Variants in ITK observed in about 807,000 individuals in gnomAD.
The protein encoded by ITK is tyrosine-protein kinase ITK/TSK.
Under a neutral mutation model 87.6 loss-of-function variants are expected in ITK, and 45 were observed. The ratio of observed to expected loss-of-function variants is 0.51; its 90% CI spans 0.40 to 0.66. ITK has a LOEUF of 0.66. ITK is among the 30% of genes least tolerant of loss of function. ITK has a pLI of 0.00. For missense variants in ITK, 605 were observed against 766.3 expected, an observed-to-expected ratio of 0.79 and a Z score of 2.48; for synonymous variants, 303 against 273.6, an observed-to-expected ratio of 1.11 and a Z score of -1.06.
chr5:157,223,103 T>C (rs1754457697), intron 6 of ITK, 89 bp downstream of exon 6: 2 of 1,476,918 alleles, frequency 1.4e-6, no homozygotes, highest in African/African-American at 1.4e-5. Context: ...TCTCCCACAG[T>C]GTAACCACAG....
intron 1 of ITK, among the ~76,000 whole-genome samples, chr5:157,208,023 C>G (rs1298846448): frequency 1.3e-5 from 2 of 152,018 alleles, no homozygotes; most frequent in African/African-American, 4.8e-5. Flanking sequence ...GCAACTGGTT[C>G]CATAGCTGAA....
chr5:157,243,904 A>T lies in ITK; in HGVS notation c.1232+110A>T, dbSNP rs2113774688. The T allele has an allele frequency of 3.9e-6, 4 of 1,012,892 alleles. No homozygotes were observed. In the East Asian group the frequency reaches 9.8e-5, roughly 25 times the overall value. 62.7% of individuals were successfully genotyped at this position (1,012,892 alleles called of 1,614,324 possible). A position where few individuals can be genotyped will look rare whatever the true frequency, so the allele number is the denominator to read the frequency against. On this transcript the variant is annotated intron_variant, in intron 12 of 16. Transcript: ENST00000422843. ...GTACTATCTCCCTGCGCAAACTCCC[A>T]GCAGTGGCTTCCTATTGCACAGAGA... is the stretch of plus-strand genomic sequence containing the variant.
rs199801390 is a variant in ITK, at chr5:157,244,215, T to C, written c.1233-47T>C. Reference sequence around the variant, plus strand: ...GGTACCATAATATTTTCGGCATTTTTGGGAGACTGAGTTTAGGCCATCTCA... The same window carrying C: ...GGTACCATAATATTTTCGGCATTTTCGGGAGACTGAGTTTAGGCCATCTCA... On this transcript the variant is annotated intron_variant, in intron 12 of 16. Coordinates refer to ENST00000422843, the MANE Select transcript of ITK (RefSeq NM_005546.4). 91 of 1,477,164 alleles carry C rather than the reference T, an allele frequency of 6.2e-5. No individual in the cohort carries two copies. The East Asian group carries it at 1.9e-3, about 32-fold the overall frequency. 91.5% of individuals were successfully genotyped at this position (1,477,164 alleles called of 1,614,324 possible). A position where few individuals can be genotyped will look rare whatever the true frequency, so the allele number is the denominator to read the frequency against.
chr5:157,230,837 C>A (rs1750691947), intron 7 of ITK, among the ~76,000 whole-genome samples: 1 of 152,110 alleles, frequency 6.6e-6, no homozygotes, highest in South Asian at 2.1e-4. Flanking sequence ...AGTCATTCAC[C>A]CACCTAAAGG....
chr5:157,241,569 T>A, intron 10 of ITK, 77 bp from the exon 11 acceptor site: 1 of 1,001,438 alleles, frequency 1.0e-6, no homozygotes, highest in South Asian at 1.3e-5. Context: ...TGATTATTAT[T>A]TTTTTTAGTG....
At chr5:157,209,478 T>C (rs1754145974) in intron 2 of ITK, among the ~76,000 whole-genome samples, 1 of 152,202 alleles carries the variant, frequency 6.6e-6, no homozygotes, top group South Asian at 2.1e-4. Context: ...GTTAATTCTT[T>C]CACTTATTGA....
chr5:157,246,125 G>T, intron 15 of ITK, 126 bp downstream of exon 15: 1 of 788,458 alleles, frequency 1.3e-6, no homozygotes, highest in Non-Finnish European at 2.3e-6. Context: ...TCCCACTGGA[G>T]GGTTGTGTAA....
At chr5:157,189,607 G>A (rs1753712150) in intron 1 of ITK, among the ~76,000 whole-genome samples, 1 of 152,222 alleles carries the variant, frequency 6.6e-6, no homozygotes, top group Non-Finnish European at 1.5e-5. Context: ...CTTGAACCCA[G>A]GAGGCAGAGG....
chr5:157,244,549 C>T (rs899155374), intron 13 of ITK, 71 bp downstream of exon 13: 54 of 867,018 alleles, frequency 6.2e-5, no homozygotes, highest in Middle Eastern at 2.2e-4. Flanking sequence ...TGACTGGGAA[C>T]GCATTAATAA....
chr5:157,210,883 G>T (rs957072541), intron 2 of ITK, among the ~76,000 whole-genome samples: 12 of 151,726 alleles, frequency 7.9e-5, no homozygotes, highest in Admixed American at 2.6e-4. Context: ...CTTCTTGTGA[G>T]TCTTAAACTA....
At chr5:157,214,553 T>A (rs919098035) in intron 4 of ITK, among the ~76,000 whole-genome samples, 1 of 152,084 alleles carries the variant, frequency 6.6e-6, no homozygotes, top group Non-Finnish European at 1.5e-5. Context: ...AGCATCAACA[T>A]CTCCTAGGAG....
intron 1 of ITK, among the ~76,000 whole-genome samples, chr5:157,202,838 C>T (rs111782388): frequency 0.063 from 9,596 of 152,268 alleles, 415 homozygotes; most frequent in Middle Eastern, 0.11. Context: ...ACATATATGG[C>T]TCATGTTACA....
chr5:157,192,662 T>C (rs1000687794), intron 1 of ITK, among the ~76,000 whole-genome samples: 2 of 152,176 alleles, frequency 1.3e-5, no homozygotes, highest in African/African-American at 4.8e-5. Context: ...GCCATCACCA[T>C]CCCCACATAT....
chr5:157,243,776 A>T lies in ITK; in HGVS notation c.1214A>T (p.Glu405Val). 1 of 1,614,072 alleles carries T rather than the reference A, an allele frequency of 6.2e-7. No individual in the cohort carries two copies. The highest frequency in any genetic ancestry group is 8.5e-7 in the Non-Finnish European group (1 of 1,179,930). Residue 405 changes from glutamate (E) to valine (V), a missense_variant, in exon 12 of 17, where the codon GAG (glutamate) becomes GTG (valine). By Grantham distance (121) the Glu-to-Val change is moderately radical (BLOSUM62 -2). Around this residue, in one of 3 missense-constraint regions of ITK, gnomAD observed 464 missense variants for 578.0 expected, o/e 0.80. Transcript: ENST00000422843. ...GCTATGTCAGAAGAGGACTTCATAG[A>T]GGAGGCTGAAGTAATGATGTGAGTG... ...EGAMSEEDFIEEAEVMMKLSH... is the reference protein window; with the variant it reads ...EGAMSEEDFIVEAEVMMKLSH...
At chr5:157,193,363 G>T (rs1236072232) in intron 1 of ITK, among the ~76,000 whole-genome samples, 1 of 152,136 alleles carries the variant, frequency 6.6e-6, no homozygotes, top group African/African-American at 2.4e-5. Flanking sequence ...TCATGAGAAA[G>T]CATGTTGTCA....
chr5:157,222,932 GAA>G lies in ITK; in HGVS notation c.566_567del (p.Glu189AlafsTer16). On this transcript the variant is annotated frameshift_variant, in exon 6 of 17. Coordinates refer to ENST00000422843, the MANE Select transcript of ITK (RefSeq NM_005546.4). LOFTEE classifies it high-confidence loss of function. The stretch of plus-strand genomic sequence containing the variant: ...TGACTACCAAACCAATGATCCTCAG[GAA>G]CTCGCACTGCGGCGCAACGAAGAGT... ...LYDYQTNDPQ[E>X]LALRRNEEYC... 6.2e-7 allele frequency: 1 copy of G among 1,614,032 alleles called. No individual in the cohort carries two copies. The highest frequency in any genetic ancestry group is 8.5e-7 in the Non-Finnish European group (1 of 1,180,014).
At chr5:157,241,594 GT>G in intron 10 of ITK, 51 bp from the exon 11 acceptor site, 1 of 1,231,738 alleles carries the variant, frequency 8.1e-7, no homozygotes, top group Non-Finnish European at 1.2e-6. Context: ...AAGTTAGATG[GT>G]TGCTAGAGCA....
chr5:157,206,856 T>C (rs930591235), intron 1 of ITK, among the ~76,000 whole-genome samples: 4 of 152,184 alleles, frequency 2.6e-5, no homozygotes, highest in African/African-American at 9.7e-5. Context: ...ATTGATCTTT[T>C]GAATAATTTT....
chr5:157,238,828 C>T (rs759105765), intron 9 of ITK, among the ~76,000 whole-genome samples: 3 of 152,312 alleles, frequency 2.0e-5, no homozygotes, highest in African/African-American at 7.2e-5. Flanking sequence ...GCCTAAGAAC[C>T]TATCTAGGTC....
Sources: gnomAD v4.1 joint callset for allele counts (sites outside exome capture counted in the v4.1 genomes callset) on GRCh38, gnomAD v4.1.1 for gene constraint, gnomAD v4.1.1 regional missense constraint, MANE v1.5 for transcripts, NCBI Gene and HGNC (gene_info 2026-07-23, HGNC 2026-07-21) for gene names.